The following DARS2 variants were observed in gnomAD, a reference collection of about 807,000 sequenced individuals.
The protein encoded by DARS2 is aspartyl-tRNA synthetase 2, mitochondrial.
In DARS2, 63 loss-of-function variants were observed where a neutral mutation model predicts 83.0. The ratio of observed to expected loss-of-function variants is 0.76; its 90% confidence interval spans 0.62 to 0.94. The LOEUF is 0.94. Ranked by LOEUF, DARS2 falls within the 40% of genes least tolerant of loss-of-function variation. The probability of loss-of-function intolerance (pLI) is 0.00; values close to 1 mark genes in which losing one functional copy is unlikely to be tolerated. For missense variants in DARS2, 675 were observed against 774.4 expected (o/e 0.87, Z 1.52); for synonymous variants, 250 against 269.3 (o/e 0.93, Z 0.70).
chr1:173,828,100 CTG>C (rs555927301), intron 2 of DARS2, among the ~76,000 whole-genome samples: 37 of 151,846 alleles, frequency 2.4e-4, no homozygotes, highest in African/African-American at 8.4e-4. Context: ...AAAATTGAAA[CTG>C]AAATAAAAAA....
chr1:173,846,014 T>C (rs1013140186), intron 12 of DARS2, among the ~76,000 whole-genome samples: 2 of 151,982 alleles, frequency 1.3e-5, no homozygotes, highest in South Asian at 4.2e-4. Flanking sequence ...AAAAATTAGC[T>C]GGGCGTGGTG....
intron 2 of DARS2, among the ~76,000 whole-genome samples, chr1:173,827,564 G>C (rs1017591425): frequency 1.3e-5 from 2 of 152,108 alleles, no homozygotes; most frequent in African/African-American, 2.4e-5. Flanking sequence ...CCAGAAGGCA[G>C]AGGTTGCAGT....
In DARS2 at chr1:173,842,091, A is replaced by G. The variant is rs191144223; in HGVS notation, c.1128+1118A>G. Among the ~76,000 whole-genome samples, 291 of 152,230 alleles carry G rather than the reference A, an allele frequency of 1.9e-3. 1 individual carries two copies. The highest frequency in any genetic ancestry group is 6.6e-3 in the African/African-American group (274 of 41,550). On this transcript the variant is annotated intron_variant, in intron 11 of 16. Transcript: ENST00000649689. Reference sequence around the variant, plus strand: ...AGAGAGAGAATGGTTGGGCTGAGCAAGTGCTGACTCTAAAGCAACGGTACA... The same window carrying G: ...AGAGAGAGAATGGTTGGGCTGAGCAGGTGCTGACTCTAAAGCAACGGTACA...
At chr1:173,852,204 T>C in intron 13 of DARS2, 1 of 985,456 alleles carries the variant, frequency 1.0e-6, no homozygotes, top group Non-Finnish European at 1.2e-6. Context: ...ATCATGTCTC[T>C]AGGCATATGT....
chr1:173,830,088 AAAAATT>A (rs1241346979), intron 3 of DARS2, among the ~76,000 whole-genome samples: 5 of 152,238 alleles, frequency 3.3e-5, no homozygotes, highest in Admixed American at 1.3e-4. Flanking sequence ...TGTCAAAAAA[AAAAATT>A]AAAATTAAAG....
At position 173,845,297 on chromosome 1, in the gene DARS2, G is replaced by C; in HGVS notation, c.1191+6G>C. 1 of 1,598,152 alleles carries C rather than the reference G, an allele frequency of 6.3e-7. No individual in the cohort carries two copies. ...CAGCTGACCATTTTAATCAGGTAAG[G>C]AGTTAATTAGAGCAGTTTTTTTCCT... On this transcript the variant is annotated splice_donor_region_variant and intron_variant, in intron 12 of 16. Coordinates refer to ENST00000649689, the MANE Select transcript of DARS2 (RefSeq NM_018122.5).
chr1:173,828,798 C>A (rs1652687387), intron 3 of DARS2, among the ~76,000 whole-genome samples: 1 of 152,082 alleles, frequency 6.6e-6, no homozygotes, highest in Non-Finnish European at 1.5e-5. Context: ...GAAGGGAGAG[C>A]AATTTGGCAA....
In DARS2 at chr1:173,857,749, T is replaced by C. The variant is rs1250144800; in HGVS notation, c.*44T>C. On this transcript the variant is annotated 3_prime_UTR_variant, in exon 17 of 17. Transcript: ENST00000649689. ...AAAGTTGAGCTTTTAGGTTTTGTCC[T>C]CTTTGCTTCCCCAAGGCTAAAGTCA... 2 of 1,608,118 alleles carry C rather than the reference T, an allele frequency of 1.2e-6. No homozygotes were observed. Among genetic ancestry groups the C allele is most frequent in the Non-Finnish European group, 1.7e-6 (2 of 1,175,112 alleles).
chr1:173,855,848 AC>A (rs1653842187), intron 15 of DARS2, among the ~76,000 whole-genome samples: 1 of 149,170 alleles, frequency 6.7e-6, no homozygotes, highest in East Asian at 2.0e-4. Flanking sequence ...TTTAGTAGAT[AC>A]AGCATTTTGC....
chr1:173,838,749 T>C (rs984729247), intron 9 of DARS2, among the ~76,000 whole-genome samples: 6 of 152,132 alleles, frequency 3.9e-5, no homozygotes, highest in Non-Finnish European at 7.4e-5. Flanking sequence ...TTTATTTTAT[T>C]TTTTGAGACA....
chr1:173,842,317 T>TTTTTTTTTTTTTTTTTTTTTTTTTG lies in DARS2; in HGVS notation c.1128+1344_1128+1345insTTTTTTTTTTTTTTTTTTTTTTTTG, dbSNP rs1304745729. On this transcript the variant is annotated intron_variant, in intron 11 of 16. Transcript: ENST00000649689. ...TTTTTTTTTTTTTTTTTTTTTTTTT[T>TTTTTTTTTTTTTTTTTTTTTTTTTG]AGAGTGAGTCTTGCTCTGTCGCCCA... Among the ~76,000 whole-genome samples, 12 of 116,628 alleles carry TTTTTTTTTTTTTTTTTTTTTTTTTG rather than the reference T, an allele frequency of 1.0e-4. 4 individuals carry two copies. Among genetic ancestry groups the TTTTTTTTTTTTTTTTTTTTTTTTTG allele is most frequent in the African/African-American group, 5.1e-4 (12 of 23,540 alleles). 76.5% of individuals were successfully genotyped at this position (116,628 alleles called of 152,430 possible).
chr1:173,837,966 G>A (rs1295710828), intron 8 of DARS2, among the ~76,000 whole-genome samples: 1 of 152,050 alleles, frequency 6.6e-6, no homozygotes, highest in Non-Finnish European at 1.5e-5. Flanking sequence ...GTAGAGACAG[G>A]GTTTCACCAT....
At position 173,853,836 on chromosome 1, in the gene DARS2, A is replaced by C; in HGVS notation, c.1605A>C (p.Glu535Asp). 6.2e-7 allele frequency: 1 copy of C among 1,614,182 alleles called. No individual in the cohort carries two copies. Among genetic ancestry groups the C allele is most frequent in the African/African-American group, 1.3e-5 (1 of 75,056 alleles). ...QHYDLVLNGN[E>D]IGGGSIRIHN... ...ATGACTTGGTTTTAAATGGCAATGA[A>C]ATAGGAGGTGGTTCAATTCGAATTC... Residue 535 changes from glutamate to aspartate, a missense_variant, in exon 15 of 17, where the codon GAA becomes GAC. Physicochemically the swap from Glu to Asp is conservative, Grantham distance 45. Transcript: ENST00000649689.
intron 9 of DARS2, among the ~76,000 whole-genome samples, chr1:173,838,715 T>C (rs982380449): frequency 2.0e-5 from 3 of 151,964 alleles, no homozygotes; most frequent in African/African-American, 7.2e-5. Flanking sequence ...ATGATAGCAT[T>C]TTATTTTACT....
At chr1:173,847,166 G>A (rs1653467868) in intron 12 of DARS2, among the ~76,000 whole-genome samples, 1 of 152,064 alleles carries the variant, frequency 6.6e-6, no homozygotes, top group Admixed American at 6.6e-5. Context: ...AATCAGAAAA[G>A]TCAGGGCAAT....
At chr1:173,833,032 A>G (rs1652852659) in intron 5 of DARS2, among the ~76,000 whole-genome samples, 2 of 152,178 alleles carry the variant, frequency 1.3e-5, no homozygotes, top group Non-Finnish European at 2.9e-5. Flanking sequence ...CACCATGCCC[A>G]GATACAGCAT....
chr1:173,845,198 G>T, intron 11 of DARS2, 31 bp from the exon 12 acceptor site: 2 of 1,364,938 alleles, frequency 1.5e-6, no homozygotes, highest in South Asian at 2.3e-5. Flanking sequence ...GTGTCATACT[G>T]ACAAGTTTAC....
chr1:173,848,002 G>A (rs1653503702), intron 12 of DARS2, among the ~76,000 whole-genome samples: 1 of 151,922 alleles, frequency 6.6e-6, no homozygotes, highest in Non-Finnish European at 1.5e-5. Flanking sequence ...ACAGGCGCCC[G>A]CGACCACGCC....
At position 173,847,543 on chromosome 1, in the gene DARS2, A is replaced by T. The variant is rs78857056; in HGVS notation, c.1191+2252A>T. 4.1e-3 allele frequency among the ~76,000 whole-genome samples: 617 copies of T among 151,788 alleles called. 4 individuals are homozygous for T. The highest frequency in any genetic ancestry group is 0.014 in the African/African-American group (597 of 41,398). On this transcript the variant is annotated intron_variant, in intron 12 of 16. Transcript: ENST00000649689. ...TATTTTTTATGAGTGTTTTAACTTG[A>T]TTTGGCTTCTAATTGCTTTCAGAAG...
Sources: gnomAD v4.1 joint callset for allele counts (sites outside exome capture counted in the v4.1 genomes callset) on GRCh38, gnomAD v4.1.1 for gene constraint, MANE v1.5 for transcripts, NCBI Gene and HGNC (gene_info 2026-07-23, HGNC 2026-07-21) for gene names.